Variants in NTNG2 observed in about 807,000 individuals in gnomAD.
The protein encoded by NTNG2 is netrin G2.
In NTNG2, 15 loss-of-function variants were observed where a neutral mutation model predicts 47.6. The observed-to-expected ratio is 0.32, with a 90% CI of 0.21 to 0.49. The LOEUF (loss-of-function observed/expected upper bound fraction) is 0.49. Among genes scored for constraint, NTNG2 ranks in the 20% least tolerant of loss-of-function variants. NTNG2 has a pLI of 0.99. For missense variants in NTNG2, 578 were observed against 764.6 expected, an observed-to-expected ratio of 0.76 and a Z score of 2.88; for synonymous variants, 307 against 324.6, an observed-to-expected ratio of 0.95 and a Z score of 0.58.
intron 3 of NTNG2, among the ~76,000 whole-genome samples, chr9:132,206,536 G>A (rs539195883): frequency 6.6e-5 from 10 of 152,250 alleles, no homozygotes; most frequent in East Asian, 3.9e-4. Flanking sequence ...GCGTGGTGGC[G>A]TGCACCTGTA....
At chr9:132,191,723 C>T (rs1347435014) in intron 2 of NTNG2, among the ~76,000 whole-genome samples, 1 of 152,078 alleles carries the variant, frequency 6.6e-6, no homozygotes, top group African/African-American at 2.4e-5. Flanking sequence ...AGGCGCCCGC[C>T]GCTACACCCG....
At chr9:132,237,581 G>A (rs916283166) in intron 5 of NTNG2, among the ~76,000 whole-genome samples, 14 of 152,166 alleles carry the variant, frequency 9.2e-5, no homozygotes, top group African/African-American at 3.1e-4. Context: ...CCCATCCGCC[G>A]CTGGAAAAAG....
intron 4 of NTNG2, among the ~76,000 whole-genome samples, chr9:132,230,029 T>C (rs758919372): frequency 6.6e-6 from 1 of 152,218 alleles, no homozygotes; most frequent in African/African-American, 2.4e-5. Context: ...CATAAGGAAG[T>C]TCCCTCATAG....
intron 3 of NTNG2, among the ~76,000 whole-genome samples, chr9:132,203,287 T>A (rs1274724615): frequency 1.3e-5 from 2 of 151,960 alleles, no homozygotes; most frequent in Non-Finnish European, 2.9e-5. Context: ...CTGCAGTGAG[T>A]TATGATGGTA....
rs1841620024 is a variant in NTNG2 at position 132,236,267 on chromosome 9, A to G, written c.1055-2837A>G. Among the ~76,000 whole-genome samples, 1 of 152,170 alleles carries G rather than the reference A, an allele frequency of 6.6e-6. No individual in the cohort carries two copies. Among genetic ancestry groups the G allele is most frequent in the Non-Finnish European group, 1.5e-5 (1 of 68,024 alleles). On this transcript the variant is annotated intron_variant, in intron 5 of 7. Coordinates refer to ENST00000393229, the MANE Select transcript of NTNG2 (RefSeq NM_032536.4). This position sits in a 1 kb window ranked among gnomAD's most constrained non-coding sequence, Gnocchi z 4.3. ...GCAGTGGGATGGCAGGGAGCCTGAC[A>G]AAGTGGAAAATGTGTGGGTTAAAGG...
chr9:132,213,740 G>T (rs1049745827), intron 3 of NTNG2, among the ~76,000 whole-genome samples: 7 of 152,172 alleles, frequency 4.6e-5, no homozygotes, highest in African/African-American at 1.4e-4. Context: ...AGATAAATGC[G>T]CTATCTGGCA....
At chr9:132,179,063 G>GC (rs1308232459) in intron 2 of NTNG2, among the ~76,000 whole-genome samples, 1 of 151,654 alleles carries the variant, frequency 6.6e-6, no homozygotes, top group Non-Finnish European at 1.5e-5. Context: ...ACTTCCTTGA[G>GC]CCCCCCATGA....
chr9:132,237,885 T>A (rs1376124037), intron 5 of NTNG2, among the ~76,000 whole-genome samples: 1 of 152,208 alleles, frequency 6.6e-6, no homozygotes, highest in Admixed American at 6.5e-5. Flanking sequence ...ACTTAGAGGA[T>A]GCCTCATCTC....
At chr9:132,219,188 C>T (rs1473892491) in intron 3 of NTNG2, among the ~76,000 whole-genome samples, 4 of 150,208 alleles carry the variant, frequency 2.7e-5, no homozygotes, top group African/African-American at 7.4e-5. Context: ...CTACACTCAG[C>T]CTGGGTGACA....
chr9:132,162,533 A>AGTGTGT lies in NTNG2; in HGVS notation c.-484+295_-484+296insTGTGTG, dbSNP rs1187377708. ...CCGGGTCCTTTCCGTCGTGTGTGTG[A>AGTGTGT]GAGTGTGTGTGTGTGTGTGTGTGAG... On this transcript the variant is annotated intron_variant, in intron 1 of 7. Coordinates refer to ENST00000393229, the MANE Select transcript of NTNG2 (RefSeq NM_032536.4). The surrounding 1 kb of genome is among the most constrained non-coding windows in gnomAD (Gnocchi z 4.6). Among the ~76,000 whole-genome samples the AGTGTGT allele has an allele frequency of 2.1e-5, 2 of 94,480 alleles. No homozygotes were observed. The highest frequency in any genetic ancestry group is 5.3e-5 in the African/African-American group (1 of 18,702). The allele number at this position is 94,480 out of a possible 152,430, so 62.0% of individuals were successfully genotyped here. A position where few individuals can be genotyped will look rare whatever the true frequency, so the allele number is the denominator to read the frequency against.
At position 132,239,561 on chromosome 9, in the gene NTNG2, G is replaced by T. The variant is rs1484726453; in HGVS notation, c.1222+290G>T. 2.0e-5 allele frequency among the ~76,000 whole-genome samples: 3 copies of T among 152,152 alleles called. No homozygotes were observed. In the East Asian group the frequency reaches 5.8e-4, roughly 29 times the overall value. On this transcript the variant is annotated intron_variant, in intron 6 of 7. Transcript: ENST00000393229. ...CTGGAGGGGACACTGACCCTTCCTG[G>T]CTCCAAAGAGCTGTGACTCTGGCAG...
chr9:132,212,697 A>G (rs1332476351), intron 3 of NTNG2, among the ~76,000 whole-genome samples: 2 of 152,148 alleles, frequency 1.3e-5, no homozygotes, highest in East Asian at 3.8e-4. Flanking sequence ...TCCAGCATCC[A>G]ACAGCCTCCT....
At chr9:132,202,163 G>A (rs532366684) in intron 3 of NTNG2, among the ~76,000 whole-genome samples, 11 of 152,320 alleles carry the variant, frequency 7.2e-5, no homozygotes, top group African/African-American at 2.6e-4. Context: ...TGAATTGAAG[G>A]TTCTTTGATG....
chr9:132,191,551 T>C lies in NTNG2; in HGVS notation c.214-6415T>C, dbSNP rs552114906. 7.3e-5 allele frequency among the ~76,000 whole-genome samples: 7 copies of C among 95,752 alleles called. No individual in the cohort carries two copies. The East Asian group carries it at 1.6e-3, about 21-fold the overall frequency. 62.8% of individuals were successfully genotyped at this position (95,752 alleles called of 152,430 possible). On this transcript the variant is annotated intron_variant, in intron 2 of 7. Transcript: ENST00000393229. ...CCCAAAACTGTATGGAAAATGGGTATGTTAACTCATCTTTCTTTTTTTTTT... is the reference window on the plus strand; with the variant it reads ...CCCAAAACTGTATGGAAAATGGGTACGTTAACTCATCTTTCTTTTTTTTTT...
chr9:132,183,478 G>C (rs1589400398), intron 2 of NTNG2, among the ~76,000 whole-genome samples: 1 of 152,290 alleles, frequency 6.6e-6, no homozygotes, highest in East Asian at 1.9e-4. Flanking sequence ...GACTAGTCGA[G>C]TGTCCCTCCA....
intron 3 of NTNG2, 131 bp downstream of exon 3, chr9:132,198,740 C>A: frequency 4.2e-6 from 4 of 952,640 alleles, no homozygotes; most frequent in Non-Finnish European, 6.2e-6. Context: ...TTACCTGGTT[C>A]CCTGGGCGTT....
At chr9:132,228,507 C>T (rs1474937403) in intron 4 of NTNG2, among the ~76,000 whole-genome samples, 4 of 151,948 alleles carry the variant, frequency 2.6e-5, no homozygotes, top group Non-Finnish European at 5.9e-5. Context: ...TCCTGAGGGC[C>T]GCTCTCTCTT....
At position 132,197,671 on chromosome 9, in the gene NTNG2, G is replaced by A. The variant is rs145922547; in HGVS notation, c.214-295G>A. ...GTCAGGACTCTGTATTCCAGGCAACGGGGAGCCATGGAGGGCTTCAAAGCA... is the reference window on the plus strand; with the variant it reads ...GTCAGGACTCTGTATTCCAGGCAACAGGGAGCCATGGAGGGCTTCAAAGCA... On this transcript the variant is annotated intron_variant, in intron 2 of 7. Transcript: ENST00000393229. The surrounding 1 kb of genome is among the most constrained non-coding windows in gnomAD (Gnocchi z 4.3). Among the ~76,000 whole-genome samples, 305 of 152,312 alleles carry A rather than the reference G, an allele frequency of 2.0e-3. 4 individuals are homozygous for A. The highest frequency in any genetic ancestry group is 0.02 in the South Asian group (94 of 4,818).
At chr9:132,170,465 C>T (rs912607864) in intron 2 of NTNG2, among the ~76,000 whole-genome samples, 5 of 152,160 alleles carry the variant, frequency 3.3e-5, no homozygotes, top group Non-Finnish European at 5.9e-5. Flanking sequence ...GGCTGCAGGC[C>T]GAGAAGGAGG....
Sources: allele counts gnomAD v4.1 joint callset (sites outside exome capture counted in the v4.1 genomes callset), GRCh38; gene constraint gnomAD v4.1.1; non-coding constraint Gnocchi (gnomAD v3.1); transcripts MANE v1.5; gene names NCBI Gene and HGNC (gene_info 2026-07-23, HGNC 2026-07-21).